PTCSC3: variants seen among roughly 807,000 people sequenced by gnomAD.
PTCSC3 encodes the protein papillary thyroid carcinoma susceptibility candidate 3 (non-protein coding).
At chr14:36,167,986 C>A (rs2139111792) in intron 1 of PTCSC3, among the ~76,000 whole-genome samples, 1 of 151,946 alleles carries the variant, frequency 6.6e-6, no homozygotes, top group African/African-American at 2.4e-5. Flanking sequence ...AAAAAGACAC[C>A]CCCTCCCTCC....
chr14:36,135,619 T>C (rs1881268235), downstream of PTCSC3, among the ~76,000 whole-genome samples: 1 of 152,218 alleles, frequency 6.6e-6, no homozygotes, highest in South Asian at 2.1e-4. Flanking sequence ...TGTCTGCTGC[T>C]CATGCTGTAT....
chr14:36,169,281 C>A (rs1882151876), intron 1 of PTCSC3, among the ~76,000 whole-genome samples: 1 of 152,018 alleles, frequency 6.6e-6, no homozygotes, highest in Non-Finnish European at 1.5e-5. Context: ...TTAAGAATAG[C>A]TCTCAAAGTT....
chr14:36,164,998 T>TGTTA (rs1178952598), intron 1 of PTCSC3: 1 of 152,176 alleles, frequency 6.6e-6, no homozygotes, highest in African/African-American at 2.4e-5. Context: ...AAATATCAAA[T>TGTTA]GTTAGACCTG....
chr14:36,139,223 T>G (rs1191014450), intron 3 of PTCSC3, among the ~76,000 whole-genome samples: 2 of 151,610 alleles, frequency 1.3e-5, no homozygotes, highest in Non-Finnish European at 2.9e-5. Flanking sequence ...TGAAAACAAT[T>G]GAAGGTAATT....
At chr14:36,148,129 C>T (rs1881629914) in intron 3 of PTCSC3, among the ~76,000 whole-genome samples, 2 of 152,034 alleles carry the variant, frequency 1.3e-5, no homozygotes, top group Non-Finnish European at 2.9e-5. Flanking sequence ...TGTCTGTGCC[C>T]TGCCCCCAGA....
At chr14:36,161,112 A>T (rs1169145) in intron 2 of PTCSC3, among the ~76,000 whole-genome samples, 1 of 151,908 alleles carries the variant, frequency 6.6e-6, no homozygotes, top group African/African-American at 2.4e-5. Context: ...TCTAGTTAGC[A>T]ATTAGTCTAA....
intron 3 of PTCSC3, among the ~76,000 whole-genome samples, chr14:36,148,270 C>T (rs933574109): frequency 1.3e-4 from 20 of 152,140 alleles, no homozygotes; most frequent in East Asian, 9.6e-4. Flanking sequence ...GCCTCGCTGC[C>T]GCCTTGCAGT....
intron 3 of PTCSC3, among the ~76,000 whole-genome samples, chr14:36,139,575 C>T (rs1881372596): frequency 6.6e-6 from 1 of 152,170 alleles, no homozygotes; most frequent in African/African-American, 2.4e-5. Flanking sequence ...CCAATACACA[C>T]ACACAACATG....
chr14:36,147,453 A>T (rs1222534761), intron 3 of PTCSC3, among the ~76,000 whole-genome samples: 2 of 152,160 alleles, frequency 1.3e-5, no homozygotes, highest in East Asian at 1.9e-4. Flanking sequence ...AGTTGATCGC[A>T]TCGGCTCCTG....
chr14:36,164,337 A>AG (rs1882040586), intron 1 of PTCSC3: 1 of 152,192 alleles, frequency 6.6e-6, no homozygotes, highest in Non-Finnish European at 1.5e-5. Flanking sequence ...ATATAAAGGA[A>AG]GGGGCTATAA....
At chr14:36,147,927 G>A (rs1050712695) in intron 3 of PTCSC3, among the ~76,000 whole-genome samples, 54 of 152,074 alleles carry the variant, frequency 3.6e-4, no homozygotes, top group East Asian at 1.9e-4. Flanking sequence ...TGCCGTGTGA[G>A]GTGTCAGTGT....
At chr14:36,144,243 C>T (rs1046836680) in intron 3 of PTCSC3, among the ~76,000 whole-genome samples, 3 of 148,476 alleles carry the variant, frequency 2.0e-5, no homozygotes, top group African/African-American at 5.0e-5. Flanking sequence ...TGTAAATTAC[C>T]TTGGGCAGTA....
chr14:36,157,363 G>T (rs1273304607), intron 2 of PTCSC3, among the ~76,000 whole-genome samples: 1 of 152,142 alleles, frequency 6.6e-6, no homozygotes, highest in Non-Finnish European at 1.5e-5. Flanking sequence ...TGTTCACTCT[G>T]ATGGTAGTTT....
chr14:36,151,474 A>C (rs1169127), intron 3 of PTCSC3, among the ~76,000 whole-genome samples: 97,637 of 151,990 alleles, frequency 0.64, 31,684 homozygotes, highest in Middle Eastern at 0.69. Context: ...TTTCTTTTGC[A>C]TCTTTCATTC....
At chr14:36,165,443 A>T (rs1232678037) in intron 1 of PTCSC3, among the ~76,000 whole-genome samples, 1 of 151,940 alleles carries the variant, frequency 6.6e-6, no homozygotes, top group Non-Finnish European at 1.5e-5. Flanking sequence ...CTGTTTCTCT[A>T]TGAGATTATT....
chr14:36,141,067 T>C (rs1881408677), intron 3 of PTCSC3, among the ~76,000 whole-genome samples: 1 of 152,222 alleles, frequency 6.6e-6, no homozygotes, highest in African/African-American at 2.4e-5. Flanking sequence ...TTCTGGACTC[T>C]TTATTTTGTT....
chr14:36,152,699 G>A (rs1287085102), intron 3 of PTCSC3, among the ~76,000 whole-genome samples: 4 of 152,000 alleles, frequency 2.6e-5, no homozygotes, highest in Non-Finnish European at 4.4e-5. Context: ...TTTGAGACCA[G>A]CATGGCCAAC....
chr14:36,165,818 G>C (rs934578859), intron 1 of PTCSC3, among the ~76,000 whole-genome samples: 1 of 150,876 alleles, frequency 6.6e-6, no homozygotes. Flanking sequence ...AGAAGAAGCC[G>C]TGGGAGGAAC....
intron 1 of PTCSC3, among the ~76,000 whole-genome samples, chr14:36,175,527 G>A (rs1882268430): frequency 6.6e-6 from 1 of 152,190 alleles, no homozygotes; most frequent in Admixed American, 6.5e-5. Flanking sequence ...GTCCCAGCCA[G>A]TTGCAAAAAC....
Sources: gnomAD v4.1 joint callset for allele counts (sites outside exome capture counted in the v4.1 genomes callset) on GRCh38, gnomAD v4.1.1 for gene constraint, MANE v1.5 for transcripts, NCBI Gene and HGNC (gene_info 2026-07-23, HGNC 2026-07-21) for gene names.